PCDH15: variants seen among roughly 807,000 people sequenced by gnomAD.
The protein encoded by PCDH15 is protocadherin related 15.
PCDH15 carries 129 observed loss-of-function variants against 178.5 expected under a neutral mutation model. That is an observed-to-expected ratio of 0.72 (90% CI 0.63 to 0.84). The LOEUF (loss-of-function observed/expected upper bound fraction) is 0.84, where lower values mean the gene tolerates loss of function less well. Among genes scored for constraint, PCDH15 ranks in the 40% least tolerant of loss-of-function variants. The pLI, the probability that PCDH15 is intolerant of heterozygous loss-of-function variation, is 0.00. For missense variants in PCDH15, 2,230 were observed against 2,099.9 expected (o/e 1.06, Z -1.21); for synonymous variants, 800 against 732.0 (o/e 1.09, Z -1.50).
At chr10:54,651,098 C>T (rs2094249703) in intron 2 of PCDH15, among the ~76,000 whole-genome samples, 1 of 152,008 alleles carries the variant, frequency 6.6e-6, no homozygotes, top group Non-Finnish European at 1.5e-5. Flanking sequence ...TTGTTGTAAA[C>T]TGGAGTTCCA....
chr10:53,838,980 G>A (rs964540793), intron 29 of PCDH15, among the ~76,000 whole-genome samples: 1 of 151,910 alleles, frequency 6.6e-6, no homozygotes, highest in Non-Finnish European at 1.5e-5. Flanking sequence ...CAAGGCGGGC[G>A]GATCACCAGG....
At chr10:55,496,145 T>G (rs1431247778) in intron 2 of PCDH15, among the ~76,000 whole-genome samples, 1 of 151,858 alleles carries the variant, frequency 6.6e-6, no homozygotes, top group East Asian at 1.9e-4. Flanking sequence ...CTTTGGCTTG[T>G]ACATTTTAAA....
intron 8 of PCDH15, among the ~76,000 whole-genome samples, chr10:54,260,109 G>A (rs144004071): frequency 0.021 from 3,128 of 152,150 alleles, 51 homozygotes; most frequent in South Asian, 0.075. Flanking sequence ...GGTATTTATC[G>A]TATGTAAAAT....
At position 55,023,803 on chromosome 10, in the gene PCDH15, ATATT is replaced by A. The variant is rs202124478; in HGVS notation, c.-79-126307_-79-126304del. On this transcript the variant is annotated intron_variant, in intron 2 of 5. Transcript: ENST00000458638. ...CACATATACACACATATTCATATAT[ATATT>A]CTTTCATATATATATACACACACAC... Among the ~76,000 whole-genome samples the A allele has an allele frequency of 8.5e-3, 1,277 of 150,982 alleles. 17 individuals are homozygous for A. The highest frequency in any genetic ancestry group is 0.019 in the African/African-American group (789 of 41,072).
chr10:54,228,753 A>C (rs1157275435), intron 9 of PCDH15, among the ~76,000 whole-genome samples: 2 of 152,144 alleles, frequency 1.3e-5, no homozygotes, highest in Non-Finnish European at 2.9e-5. Flanking sequence ...AATGGACTGG[A>C]TGATACCTGC....
intron 3 of PCDH15, among the ~76,000 whole-genome samples, chr10:54,385,048 A>C (rs1949748641): frequency 6.6e-6 from 1 of 152,112 alleles, no homozygotes; most frequent in African/African-American, 2.4e-5. Flanking sequence ...GGTTGATCCA[A>C]ATCCAAGTGT....
At chr10:54,982,242 T>C (rs1359679998) in intron 2 of PCDH15, among the ~76,000 whole-genome samples, 4 of 152,156 alleles carry the variant, frequency 2.6e-5, no homozygotes, top group Non-Finnish European at 4.4e-5. Flanking sequence ...CAATATTATA[T>C]TTCAAATGCT....
At chr10:55,307,495 G>A (rs1164957207) in intron 1 of PCDH15, among the ~76,000 whole-genome samples, 2 of 149,520 alleles carry the variant, frequency 1.3e-5, no homozygotes, top group Admixed American at 6.6e-5. Flanking sequence ...AGAGCAGAGC[G>A]AGACTCCATC....
At chr10:54,723,003 C>G (rs1422170514) in intron 1 of PCDH15, among the ~76,000 whole-genome samples, 1 of 151,336 alleles carries the variant, frequency 6.6e-6, no homozygotes, top group Non-Finnish European at 1.5e-5. Flanking sequence ...CAATGCCTAT[C>G]AATTTAGCAA....
chr10:53,823,362 G>C, intron 32 of PCDH15: 1 of 1,610,328 alleles, frequency 6.2e-7, no homozygotes, highest in Non-Finnish European at 8.5e-7. Flanking sequence ...GAAAAGACTT[G>C]AAAGAAAAGA....
chr10:54,691,750 T>C (rs2095124548), intron 1 of PCDH15, among the ~76,000 whole-genome samples: 1 of 152,164 alleles, frequency 6.6e-6, no homozygotes, highest in African/African-American at 2.4e-5. Context: ...TTCTACATGA[T>C]ACTTATAGAA....
chr10:53,826,699 C>T (rs1361861550), intron 32 of PCDH15, among the ~76,000 whole-genome samples: 1 of 152,018 alleles, frequency 6.6e-6, no homozygotes, highest in Admixed American at 6.6e-5. Context: ...TAACAGTTAC[C>T]AGTGTCTTTC....
chr10:54,636,758 C>T (rs1308018982), intron 2 of PCDH15, among the ~76,000 whole-genome samples: 1 of 151,764 alleles, frequency 6.6e-6, no homozygotes, highest in Non-Finnish European at 1.5e-5. Flanking sequence ...GCAAACAATC[C>T]CAAATCTATA....
intron 1 of PCDH15, among the ~76,000 whole-genome samples, chr10:54,775,824 T>G (rs1312366991): frequency 1.3e-5 from 2 of 152,140 alleles, no homozygotes; most frequent in African/African-American, 2.4e-5. Context: ...AGGCGGAGCT[T>G]GCAGTGAGCC....
intron 2 of PCDH15, among the ~76,000 whole-genome samples, chr10:54,985,611 A>C (rs1839344534): frequency 6.6e-6 from 1 of 152,180 alleles, no homozygotes; most frequent in African/African-American, 2.4e-5. Context: ...TACCCTGATG[A>C]TCAGGTGACT....
chr10:55,296,818 C>CA (rs1169852200), intron 1 of PCDH15, among the ~76,000 whole-genome samples: 1 of 152,022 alleles, frequency 6.6e-6, no homozygotes, highest in Non-Finnish European at 1.5e-5. Flanking sequence ...CCATCATAGT[C>CA]AAAATACATA....
At chr10:54,844,187 C>A (rs1953465602) in intron 3 of PCDH15, among the ~76,000 whole-genome samples, 1 of 152,050 alleles carries the variant, frequency 6.6e-6, no homozygotes, top group South Asian at 2.1e-4. Context: ...AGTGATGATT[C>A]AGATGCCTTG....
intron 2 of PCDH15, among the ~76,000 whole-genome samples, chr10:54,536,759 G>A (rs777548955): frequency 1.3e-5 from 2 of 151,960 alleles, no homozygotes; most frequent in East Asian, 1.9e-4. Context: ...TGGTTTTTCT[G>A]TTCCTGTGTT....
intron 8 of PCDH15, among the ~76,000 whole-genome samples, chr10:54,255,703 G>A (rs1421470153): frequency 1.3e-5 from 2 of 152,070 alleles, no homozygotes; most frequent in Non-Finnish European, 2.9e-5. Flanking sequence ...GGAGTTTCAA[G>A]TGTGTAGTAT....
Sources: gnomAD v4.1 joint callset for allele counts (sites outside exome capture counted in the v4.1 genomes callset) on GRCh38, gnomAD v4.1.1 for gene constraint, MANE v1.5 for transcripts, NCBI Gene and HGNC (gene_info 2026-07-23, HGNC 2026-07-21) for gene names.